Variants in ANAPC13 observed in about 807,000 individuals in gnomAD.
ANAPC13 encodes anaphase promoting complex subunit 13, also known as anaphase-promoting complex subunit 13.
ANAPC13 carries 9 observed loss-of-function variants against 9.6 expected under a neutral mutation model. The ratio of observed to expected loss-of-function variants is 0.94; its 90% CI spans 0.57 to 1.64. The LOEUF is 1.64. ANAPC13 is among the 40% of genes most tolerant of loss of function. The pLI is 0.00. For synonymous variants in ANAPC13, 30 were observed against 29.7 expected (o/e 1.01, Z -0.03); for missense variants, 75 against 85.3 (o/e 0.88, Z 0.48).
At chr3:134,483,165 T>C (rs755356545) in intron 1 of ANAPC13, 12 of 477,776 alleles carry the variant, frequency 2.5e-5, no homozygotes, top group Non-Finnish European at 4.5e-5. Context: ...TGTCATAGAG[T>C]GTGACAGGAG....
At chr3:134,481,531 G>A (rs751651657) in intron 2 of ANAPC13, among the ~76,000 whole-genome samples, 7 of 152,088 alleles carry the variant, frequency 4.6e-5, no homozygotes, top group African/African-American at 9.7e-5. Flanking sequence ...CAGCCACTTC[G>A]TATATGATGT....
chr3:134,482,899 G>T lies in ANAPC13; in HGVS notation c.6C>A (p.Asp2Glu), dbSNP rs773183205. ...TCCTTCCATCTCTCTGAACCTCACT[G>T]TCCATTTTCCTGCAGCTTTGATCTT... M[D>E]SEVQRDGRIL... The change falls in exon 2 of 3, where the codon GAC becomes GAA. Residue 2 changes from aspartate (D) to glutamate (E), a missense_variant. Transcript: ENST00000354910. The T allele has an allele frequency of 6.2e-7, 1 of 1,613,690 alleles. No homozygotes were observed. The highest frequency in any genetic ancestry group is 2.2e-5 in the East Asian group (1 of 44,886).
chr3:134,481,403 C>A (rs1318290059), intron 2 of ANAPC13, among the ~76,000 whole-genome samples: 1 of 152,238 alleles, frequency 6.6e-6, no homozygotes, highest in African/African-American at 2.4e-5. Context: ...GGCCTTTACA[C>A]ATCTGTCCCC....
chr3:134,482,745 C>T, intron 2 of ANAPC13, 61 bp downstream of exon 2: 1 of 1,301,356 alleles, frequency 7.7e-7, no homozygotes. Flanking sequence ...GATATCCCTC[C>T]TCCACTAGTT....
chr3:134,484,381 C>T lies in ANAPC13; in HGVS notation c.-27-1450G>A, dbSNP rs560541768. The stretch of plus-strand genomic sequence containing the variant: ...CAGCCTGGGCGACAGAGCAAGATTC[C>T]GTCTCGGAAAAAAAAAAACAAAAAA... On this transcript the variant is annotated intron_variant, in intron 1 of 2. Transcript: ENST00000354910. 9.9e-4 allele frequency among the ~76,000 whole-genome samples: 122 copies of T among 123,604 alleles called. 2 individuals are homozygous for T. Among genetic ancestry groups the T allele is most frequent in the Middle Eastern group, 3.9e-3 (1 of 258 alleles). The allele number at this position is 123,604 out of a possible 152,430, so 81.1% of individuals were successfully genotyped here. A position where few individuals can be genotyped will look rare whatever the true frequency, so the allele number is the denominator to read the frequency against.
chr3:134,483,541 C>T (rs1328506593), intron 1 of ANAPC13, among the ~76,000 whole-genome samples: 3 of 152,218 alleles, frequency 2.0e-5, no homozygotes, highest in Non-Finnish European at 2.9e-5. Context: ...TAATTCTTAA[C>T]GCTACACTCC....
rs1934704552 is a variant in ANAPC13 at position 134,480,136 on chromosome 3, G to A, written c.100-1421C>T. 3.3e-5 allele frequency among the ~76,000 whole-genome samples: 5 copies of A among 152,304 alleles called. No individual in the cohort carries two copies. The South Asian group carries it at 1.0e-3, about 32-fold the overall frequency. ...AACATACTTGAACAGATTGAGAAGA[G>A]CTATCATTTATTGTAACGCAATAAT... On this transcript the variant is annotated intron_variant, in intron 2 of 2. Transcript: ENST00000354910.
chr3:134,482,408 G>T (rs1381438504), intron 2 of ANAPC13, among the ~76,000 whole-genome samples: 2 of 152,222 alleles, frequency 1.3e-5, no homozygotes, highest in Admixed American at 1.3e-4. Flanking sequence ...CTCCAAGAAT[G>T]TAAGTTTCTA....
intron 2 of ANAPC13, among the ~76,000 whole-genome samples, chr3:134,481,427 C>T (rs1269761653): frequency 1.3e-5 from 2 of 152,140 alleles, no homozygotes; most frequent in African/African-American, 4.8e-5. Context: ...GCTGCAATAC[C>T]CTTGTCTACC....
Position 134,478,020 on chromosome 3 carries a change from A to C in ANAPC13, c.*570T>G, listed in dbSNP as rs1380558403. The C allele has an allele frequency of 6.6e-6, 1 of 152,260 alleles. No homozygotes were observed. The highest frequency in any genetic ancestry group is 6.5e-5 in the Admixed American group (1 of 15,286). 9.4% of individuals were successfully genotyped at this position (152,260 alleles called of 1,614,324 possible). ...TCCAGCAGCACAAAAGGAATTTGTAAGGAGAACAGAGATTAACTGTCAGAT... is the reference window on the plus strand; with the variant it reads ...TCCAGCAGCACAAAAGGAATTTGTACGGAGAACAGAGATTAACTGTCAGAT... On this transcript the variant is annotated 3_prime_UTR_variant, in exon 3 of 3. Coordinates refer to ENST00000354910, the MANE Select transcript of ANAPC13 (RefSeq NM_015391.4).
At chr3:134,478,842 A>C in intron 2 of ANAPC13, 127 bp from the exon 3 acceptor site, 3 of 1,078,212 alleles carry the variant, frequency 2.8e-6, no homozygotes, top group Non-Finnish European at 4.0e-6. Flanking sequence ...TGTATTCTAA[A>C]AAAGCTAAAA....
At chr3:134,480,818 C>T (rs1934719252) in intron 2 of ANAPC13, among the ~76,000 whole-genome samples, 1 of 152,238 alleles carries the variant, frequency 6.6e-6, no homozygotes, top group East Asian at 1.9e-4. Context: ...AGAAGTCCCT[C>T]CCAGCTGAGC....
rs1576616783 is a variant in ANAPC13, at chr3:134,478,503, C to T, written c.*87G>A. 5 of 1,505,794 alleles carry T rather than the reference C, an allele frequency of 3.3e-6. No homozygotes were observed. The East Asian group carries it at 1.2e-4, about 35-fold the overall frequency. The allele number at this position is 1,505,794 out of a possible 1,614,324, so 93.3% of individuals were successfully genotyped here. A position where few individuals can be genotyped will look rare whatever the true frequency, so the allele number is the denominator to read the frequency against. On this transcript the variant is annotated 3_prime_UTR_variant, in exon 3 of 3. Transcript: ENST00000354910. ...TACATTTTTGAGTGCTGATTTATTACTCAAAGGTTTGAATTTGGAGACTGA... is the reference window on the plus strand; with the variant it reads ...TACATTTTTGAGTGCTGATTTATTATTCAAAGGTTTGAATTTGGAGACTGA...
At position 134,478,681 on chromosome 3, in the gene ANAPC13, C is replaced by T. The variant is rs1264905870; in HGVS notation, c.134G>A (p.Gly45Asp). 6.2e-7 allele frequency: 1 copy of T among 1,614,098 alleles called. No individual in the cohort carries two copies. Among genetic ancestry groups the T allele is most frequent in the Admixed American group, 1.7e-5 (1 of 60,012 alleles). The change falls in exon 3 of 3, where the codon GGC (glycine) becomes GAC (aspartate). Residue 45 changes from glycine to aspartate, a missense_variant. Transcript: ENST00000354910. ...ELPEPEQDNG[G>D]TTESVKEQEM... ...TTGTTCTTTGACAGATTCTGTGGTG[C>T]CACCATTGTCTTGTTCAGGTTCAGG...
At chr3:134,481,087 G>A (rs1934723361) in intron 2 of ANAPC13, among the ~76,000 whole-genome samples, 1 of 152,156 alleles carries the variant, frequency 6.6e-6, no homozygotes, top group African/African-American at 2.4e-5. Context: ...TCTTGACTTT[G>A]TTTAGGCCCT....
chr3:134,481,211 G>C (rs528981478), intron 2 of ANAPC13, among the ~76,000 whole-genome samples: 37 of 152,234 alleles, frequency 2.4e-4, no homozygotes, highest in Non-Finnish European at 4.8e-4. Flanking sequence ...CCAAATCTGA[G>C]CATAGCAGTC....
chr3:134,482,858 T>C lies in ANAPC13; in HGVS notation c.47A>G (p.Asp16Gly). 4 of 1,614,240 alleles carry C rather than the reference T, an allele frequency of 2.5e-6. No individual in the cohort carries two copies. Among genetic ancestry groups the C allele is most frequent in the Non-Finnish European group, 3.4e-6 (4 of 1,180,032 alleles). Reference protein sequence around the residue: ...QRDGRILDLIDDAWREDKLPY... With the variant: ...QRDGRILDLIGDAWREDKLPY... The stretch of plus-strand genomic sequence containing the variant: ...CAGCTTGTCTTCTCGCCAAGCATCA[T>C]CAATCAAATCCAAGATCCTTCCATC... The change falls in exon 2 of 3, where the codon GAT becomes GGT. Residue 16 changes from aspartate to glycine, a missense_variant. Physicochemically the swap from Asp to Gly is moderately conservative, Grantham distance 94 (BLOSUM62 -1). Transcript: ENST00000354910.
Position 134,482,923 on chromosome 3 carries a change from T to G in ANAPC13, c.-19A>C, listed in dbSNP as rs1934771314. On this transcript the variant is annotated 5_prime_UTR_variant, in exon 2 of 3. Coordinates refer to ENST00000354910, the MANE Select transcript of ANAPC13 (RefSeq NM_015391.4). ...TGTCCATTTTCCTGCAGCTTTGATC[T>G]TGTCAAATCTGTAAGCCAAAGAGGT... is the stretch of plus-strand genomic sequence containing the variant. 1.9e-6 allele frequency: 3 copies of G among 1,586,528 alleles called. No homozygotes were observed. Among genetic ancestry groups the G allele is most frequent in the Non-Finnish European group, 2.6e-6 (3 of 1,154,752 alleles).
At chr3:134,484,350 G>A (rs967261689) in intron 1 of ANAPC13, among the ~76,000 whole-genome samples, 2 of 151,718 alleles carry the variant, frequency 1.3e-5, no homozygotes, top group African/African-American at 4.8e-5. Context: ...ACGCGCCACT[G>A]CACTCCAGCC....
Sources: gnomAD v4.1 joint callset for allele counts (sites outside exome capture counted in the v4.1 genomes callset) on GRCh38, gnomAD v4.1.1 for gene constraint, MANE v1.5 for transcripts, NCBI Gene and HGNC (gene_info 2026-07-23, HGNC 2026-07-21) for gene names.